Variants in PINK1 observed in about 807,000 individuals in gnomAD.
PINK1 encodes serine/threonine-protein kinase PINK1, mitochondrial.
PINK1 carries 58 observed loss-of-function variants against 56.0 expected under a neutral mutation model. The ratio of observed to expected loss-of-function variants is 1.04; its 90% CI spans 0.84 to 1.29. The LOEUF (loss-of-function observed/expected upper bound fraction) is 1.29, where lower values mean the gene tolerates loss of function less well. Among genes scored for constraint, PINK1 ranks in the 50% most tolerant of loss-of-function variants. The pLI, the probability that PINK1 is intolerant of heterozygous loss-of-function variation, is 0.00. For synonymous variants in PINK1, 354 were observed against 339.3 expected, an observed-to-expected ratio of 1.04 and a Z score of -0.48; for missense variants, 745 against 777.9, an observed-to-expected ratio of 0.96 and a Z score of 0.50.
intron 1 of PINK1, among the ~76,000 whole-genome samples, chr1:20,637,110 C>G (rs1340092707): frequency 6.6e-6 from 1 of 152,194 alleles, no homozygotes; most frequent in Non-Finnish European, 1.5e-5. Context: ...CCAGGGGTGA[C>G]TAACCTTGGA....
At chr1:20,635,112 G>C (rs936956002) in intron 1 of PINK1, among the ~76,000 whole-genome samples, 36 of 152,164 alleles carry the variant, frequency 2.4e-4, no homozygotes, top group Admixed American at 1.7e-3. Context: ...TGAGGAGATT[G>C]ATCCTCCTAA....
chr1:20,644,887 A>G (rs1311954228), intron 4 of PINK1, among the ~76,000 whole-genome samples: 1 of 152,216 alleles, frequency 6.6e-6, no homozygotes, highest in Non-Finnish European at 1.5e-5. Flanking sequence ...CTTCATCCAG[A>G]ACATACTTGT....
chr1:20,636,031 G>A (rs1421989668), intron 1 of PINK1, among the ~76,000 whole-genome samples: 1 of 151,954 alleles, frequency 6.6e-6, no homozygotes, highest in Admixed American at 6.6e-5. Flanking sequence ...GCTAGGCATG[G>A]TGGCACATGC....
At chr1:20,637,585 T>A (rs2053069193) in intron 1 of PINK1, among the ~76,000 whole-genome samples, 1 of 152,186 alleles carries the variant, frequency 6.6e-6, no homozygotes, top group Admixed American at 6.5e-5. Context: ...GACGTGGGGT[T>A]TCTGACCTCT....
At position 20,644,600 on chromosome 1, in the gene PINK1, C is replaced by G; in HGVS notation, c.887C>G (p.Pro296Arg). The G allele has an allele frequency of 1.9e-6, 3 of 1,614,248 alleles. No individual in the cohort carries two copies. Among genetic ancestry groups the G allele is most frequent in the Non-Finnish European group, 2.5e-6 (3 of 1,180,048 alleles). Residue 296 changes from proline (P) to arginine (R), a missense_variant, in exon 4 of 8, where the codon CCT (proline) becomes CGT (arginine). Physicochemically the swap from Pro to Arg is moderately radical, Grantham distance 103 (BLOSUM62 -2). Coordinates refer to ENST00000321556, the MANE Select transcript of PINK1 (RefSeq NM_032409.3). ...PLLPGALVDY[P>R]DVLPSRLHPE... ...CTGCCAGGGGCCCTGGTCGACTACC[C>G]TGATGTGCTGCCCTCACGCCTCCAC... is the stretch of plus-strand genomic sequence containing the variant.
intron 5 of PINK1, among the ~76,000 whole-genome samples, chr1:20,645,938 C>T (rs1472738424): frequency 6.6e-6 from 1 of 152,012 alleles, no homozygotes; most frequent in Non-Finnish European, 1.5e-5. Context: ...CTTTCTCTAG[C>T]CCACTTAAAG....
chr1:20,650,482 G>A lies in PINK1; in HGVS notation c.1537G>A (p.Gly513Ser). Residue 513 changes from glycine (G) to serine (S), a missense_variant, in exon 8 of 8, where the codon GGT (glycine) becomes AGT (serine). By Grantham distance (56) the Gly-to-Ser change is moderately conservative. Transcript: ENST00000321556. ...AANVLHLSLW[G>S]EHILALKNLK... ...AAATGTGCTTCATCTAAGCCTCTGG[G>A]GTGAACATATTCTAGCCCTGAAGAA... 6.2e-7 allele frequency: 1 copy of A among 1,614,130 alleles called. No homozygotes were observed. Among genetic ancestry groups the A allele is most frequent in the Non-Finnish European group, 8.5e-7 (1 of 1,179,994 alleles).
In PINK1 at chr1:20,650,420, C is replaced by T. The variant is rs1262416087; in HGVS notation, c.1489-14C>T. The T allele has an allele frequency of 1.2e-6, 2 of 1,613,674 alleles. No individual in the cohort carries two copies. The highest frequency in any genetic ancestry group is 1.7e-6 in the Non-Finnish European group (2 of 1,179,838). ...TAACAGATGTTCTAGCTACAGCTTC[C>T]CTTCCTGTTGCAGAGACCATCTGCC... On this transcript the variant is annotated splice_polypyrimidine_tract_variant and intron_variant, in intron 7 of 7. Coordinates refer to ENST00000321556, the MANE Select transcript of PINK1 (RefSeq NM_032409.3).
chr1:20,646,792 C>G (rs534673744), intron 5 of PINK1, among the ~76,000 whole-genome samples: 1 of 152,212 alleles, frequency 6.6e-6, no homozygotes, highest in East Asian at 1.9e-4. Context: ...TAAGGAGATT[C>G]ATACATCTGA....
intron 1 of PINK1, 42 bp from the exon 2 acceptor site, chr1:20,637,799 TC>T (rs1303299558): frequency 6.2e-7 from 1 of 1,610,892 alleles, no homozygotes; most frequent in Non-Finnish European, 8.5e-7. Flanking sequence ...TCTTGGGCCT[TC>T]CTAGGCTCCC....
At position 20,649,053 on chromosome 1, in the gene PINK1, G is replaced by A. The variant is rs2053229841; in HGVS notation, c.1310G>A (p.Trp437Ter). Reference protein sequence around the residue: ...AVIDYSKADAWAVGAIAYEIF... With the variant: ...AVIDYSKADA ...ATTGACTACAGCAAGGCTGATGCCT[G>A]GGCAGTGGGAGCCATCGCCTATGAA... is the stretch of plus-strand genomic sequence containing the variant. The change falls in exon 7 of 8, where the codon TGG becomes TAG. Residue 437 changes from tryptophan (W) to a stop codon, truncating the protein, a stop_gained. Coordinates refer to ENST00000321556, the MANE Select transcript of PINK1 (RefSeq NM_032409.3). LOFTEE classifies it high-confidence loss of function. 6.2e-7 allele frequency: 1 copy of A among 1,614,032 alleles called. No individual in the cohort carries two copies. Among genetic ancestry groups the A allele is most frequent in the Admixed American group, 1.7e-5 (1 of 60,006 alleles).
rs137876853 is a variant in PINK1 at position 20,645,226 on chromosome 1, C to T, written c.960-334C>T. ...TTAGGAGGCCGGGAATGGTGGCTGA[C>T]GCCTGTAATCCCAGCACTTTGGAAG... On this transcript the variant is annotated intron_variant, in intron 4 of 7. Transcript: ENST00000321556. Among the ~76,000 whole-genome samples the T allele has an allele frequency of 6.0e-4, 91 of 152,208 alleles. 1 individual carries two copies. The highest frequency in any genetic ancestry group is 4.4e-3 in the East Asian group (23 of 5,176).
At position 20,633,766 on chromosome 1, in the gene PINK1, C is replaced by T. The variant is rs202048763; in HGVS notation, c.218C>T (p.Ser73Leu). ...LPNRLRFFRQSVAGLAARLQR... is the reference protein window; with the variant it reads ...LPNRLRFFRQLVAGLAARLQR... ...AACCGTCTCCGCTTCTTCCGCCAGT[C>T]GGTGGCCGGGCTGGCGGCGCGGTTG... The change falls in exon 1 of 8, where the codon TCG becomes TTG. Residue 73 changes from serine (S) to leucine (L), a missense_variant. Physicochemically the swap from Ser to Leu is moderately radical, Grantham distance 145. Transcript: ENST00000321556. 194 of 1,559,062 alleles carry T rather than the reference C, an allele frequency of 1.2e-4. No individual in the cohort carries two copies. The African/African-American group carries it at 2.3e-3, about 19-fold the overall frequency.
In PINK1 at chr1:20,633,876, C is replaced by A; in HGVS notation, c.328C>A (p.Leu110Ile). 5 of 1,581,294 alleles carry A rather than the reference C, an allele frequency of 3.2e-6. No individual in the cohort carries two copies. Among genetic ancestry groups the A allele is most frequent in the Non-Finnish European group, 4.3e-6 (5 of 1,165,752 alleles). The change falls in exon 1 of 8, where the codon CTC becomes ATC. Residue 110 changes from leucine (L) to isoleucine (I), a missense_variant. Leu to Ile is a conservative substitution (Grantham distance 5, BLOSUM62 2). Transcript: ENST00000321556. Reference sequence around the variant, plus strand: ...TCTGGCCTTCGGGCTAGGGCTGGGCCTCATCGAGGAAAAACAGGCGGAGAG... The same window carrying A: ...TCTGGCCTTCGGGCTAGGGCTGGGCATCATCGAGGAAAAACAGGCGGAGAG... ...VFLAFGLGLG[L>I]IEEKQAESRR...
At chr1:20,648,757 G>A in intron 6 of PINK1, 125 bp downstream of exon 6, 1 of 1,497,040 alleles carries the variant, frequency 6.7e-7, no homozygotes, top group Non-Finnish European at 9.0e-7. Flanking sequence ...TTTGGCACAA[G>A]TTCCTTCCCT....
chr1:20,642,240 A>T (rs567944738), intron 3 of PINK1, among the ~76,000 whole-genome samples: 1 of 152,348 alleles, frequency 6.6e-6, no homozygotes, highest in East Asian at 1.9e-4. Flanking sequence ...CTCTAGCCTG[A>T]TGTGCTAGAA....
intron 7 of PINK1, chr1:20,650,140 C>T: frequency 2.1e-6 from 1 of 480,460 alleles, no homozygotes; most frequent in South Asian, 2.1e-5. Context: ...GACTACTTAC[C>T]TGGTTCAAGG....
In PINK1 at chr1:20,633,677, G is replaced by A. The variant is rs1190211789; in HGVS notation, c.129G>A (p.Gly43=). ...GCCCGGCGGCGGGCTGTGTCCGCGG[G>A]GAGCGTCCAGGCTGGGCCGCAGGAC... is the stretch of plus-strand genomic sequence containing the variant. The part of the protein sequence containing the change: ...RPGPAAGCVR[G]ERPGWAAGPG... Residue 43 remains glycine, a synonymous_variant, in exon 1 of 8, where the codon GGG becomes GGA. Transcript: ENST00000321556. 3.6e-6 allele frequency: 5 copies of A among 1,393,904 alleles called. No individual in the cohort carries two copies. The South Asian group carries it at 8.0e-5, about 22-fold the overall frequency. The allele number at this position is 1,393,904 out of a possible 1,614,324, so 86.3% of individuals were successfully genotyped here. A position where few individuals can be genotyped will look rare whatever the true frequency, so the allele number is the denominator to read the frequency against.
Position 20,650,746 on chromosome 1 carries a change from T to G in PINK1, c.*55T>G. The G allele has an allele frequency of 3.8e-6, 6 of 1,586,126 alleles. No individual in the cohort carries two copies. The South Asian group carries it at 6.8e-5, about 18-fold the overall frequency. The stretch of plus-strand genomic sequence containing the variant: ...AAAGAACATGGCATCCTCTGTGTCG[T>G]GATGGTCTGTGAATGGTGAGGGTGG... On this transcript the variant is annotated 3_prime_UTR_variant, in exon 8 of 8. Coordinates refer to ENST00000321556, the MANE Select transcript of PINK1 (RefSeq NM_032409.3).
Sources: allele counts gnomAD v4.1 joint callset (sites outside exome capture counted in the v4.1 genomes callset), GRCh38; gene constraint gnomAD v4.1.1; transcripts MANE v1.5; gene names NCBI Gene and HGNC (gene_info 2026-07-23, HGNC 2026-07-21).